Variants in CDK6 observed in about 807,000 individuals in gnomAD.
The protein encoded by CDK6 is cyclin-dependent kinase 6.
Under a neutral mutation model 37.1 loss-of-function variants are expected in CDK6, and 6 were observed. The ratio of observed to expected loss-of-function variants is 0.16; its 90% CI spans 0.09 to 0.32. The LOEUF is 0.32. Among genes scored for constraint, CDK6 ranks in the 10% least tolerant of loss-of-function variants. The pLI is 1.00. For synonymous variants in CDK6, 160 were observed against 161.3 expected (o/e 0.99, Z 0.06); for missense variants, 224 against 418.9 (o/e 0.53, Z 4.06).
intron 4 of CDK6, among the ~76,000 whole-genome samples, chr7:92,718,769 T>C (rs1038287128): frequency 2.0e-5 from 3 of 152,356 alleles, no homozygotes; most frequent in East Asian, 1.9e-4. Context: ...CCTTATCATA[T>C]GGCCTCATAA....
chr7:92,738,520 T>G (rs1380051829), intron 3 of CDK6, among the ~76,000 whole-genome samples: 1 of 151,626 alleles, frequency 6.6e-6, no homozygotes, highest in African/African-American at 2.4e-5. Flanking sequence ...ATGCCTGTAA[T>G]CCCAGCTACT....
At chr7:92,639,942 T>C (rs1796263327) in intron 5 of CDK6, among the ~76,000 whole-genome samples, 1 of 152,236 alleles carries the variant, frequency 6.6e-6, no homozygotes, top group South Asian at 2.1e-4. Flanking sequence ...ATTCAAATTA[T>C]GGTATAATTT....
chr7:92,701,366 T>C lies in CDK6; in HGVS notation c.537+24260A>G, dbSNP rs147341231. On this transcript the variant is annotated intron_variant, in intron 4 of 7. Transcript: ENST00000424848. ...ATTAAAATACAAACAATATTATCAT[T>C]AACAGGGGCAATCTCTGGTTTGTGA... Among the ~76,000 whole-genome samples, 491 of 152,268 alleles carry C rather than the reference T, an allele frequency of 3.2e-3. 1 individual carries two copies. The highest frequency in any genetic ancestry group is 0.011 in the African/African-American group (466 of 41,578).
At chr7:92,718,624 G>A (rs1303578984) in intron 4 of CDK6, among the ~76,000 whole-genome samples, 1 of 152,162 alleles carries the variant, frequency 6.6e-6, no homozygotes, top group Admixed American at 6.5e-5. Context: ...CGAATTGCAT[G>A]ACGCGCACAT....
chr7:92,772,489 C>T (rs758594339), intron 3 of CDK6, among the ~76,000 whole-genome samples: 10 of 150,634 alleles, frequency 6.6e-5, no homozygotes, highest in Non-Finnish European at 1.5e-4. Flanking sequence ...CTGTTCAACA[C>T]GGAATGAAGT....
At chr7:92,724,432 G>C (rs1481026622) in intron 4 of CDK6, among the ~76,000 whole-genome samples, 2 of 152,070 alleles carry the variant, frequency 1.3e-5, no homozygotes, top group Non-Finnish European at 2.9e-5. Flanking sequence ...ATAATGTTTG[G>C]AAAGTAACTG....
chr7:92,771,419 C>G (rs939889648), intron 3 of CDK6, among the ~76,000 whole-genome samples: 1 of 151,668 alleles, frequency 6.6e-6, no homozygotes, highest in Non-Finnish European at 1.5e-5. Flanking sequence ...AAGACAATGT[C>G]AATATTAATA....
chr7:92,758,633 T>A (rs573694974), intron 3 of CDK6, among the ~76,000 whole-genome samples: 106 of 152,340 alleles, frequency 7.0e-4, no homozygotes, highest in Middle Eastern at 3.4e-3. Flanking sequence ...TTTGATTCCA[T>A]ATGAATTTGA....
At chr7:92,717,631 C>T (rs1200325252) in intron 4 of CDK6, among the ~76,000 whole-genome samples, 2 of 152,168 alleles carry the variant, frequency 1.3e-5, no homozygotes, top group Non-Finnish European at 2.9e-5. Flanking sequence ...GCTCTTTCTC[C>T]GAGTAAAACA....
intron 5 of CDK6, among the ~76,000 whole-genome samples, chr7:92,656,931 C>A (rs1272509789): frequency 1.3e-5 from 2 of 152,146 alleles, no homozygotes; most frequent in African/African-American, 4.8e-5. Flanking sequence ...AACAAGCAGG[C>A]CTTGCCAGGT....
intron 5 of CDK6, among the ~76,000 whole-genome samples, chr7:92,648,062 G>A (rs1373440306): frequency 3.3e-5 from 5 of 152,148 alleles, no homozygotes; most frequent in Admixed American, 3.3e-4. Flanking sequence ...TCATGTTGGG[G>A]ATTCGTTTTT....
rs606231255 is a variant in CDK6 at position 92,671,484 on chromosome 7, C to T, written c.589G>A (p.Ala197Thr). 1.3e-6 allele frequency: 2 copies of T among 1,581,346 alleles called. No individual in the cohort carries two copies. Among genetic ancestry groups the T allele is most frequent in the South Asian group, 1.2e-5 (1 of 86,904 alleles). Residue 197 changes from alanine (A) to threonine (T), a missense_variant, in exon 5 of 8, where the codon GCC (alanine) becomes ACC (threonine). Physicochemically the swap from Ala to Thr is moderately conservative, Grantham distance 58. Transcript: ENST00000424848. ...APEVLLQSSY[A>T]TPVDLWSVGC... ...ACACTCCAGAGATCCACGGGGGTGG[C>T]GTAGCTGGACTGGAGCAAGACTTCG...
At chr7:92,689,971 GT>G (rs945710110) in intron 4 of CDK6, among the ~76,000 whole-genome samples, 12 of 151,186 alleles carry the variant, frequency 7.9e-5, no homozygotes, top group African/African-American at 1.5e-4. Flanking sequence ...CTTTTTTATC[GT>G]TTTTTTTCCT....
chr7:92,646,037 G>A (rs1352778064), intron 5 of CDK6, among the ~76,000 whole-genome samples: 2 of 152,158 alleles, frequency 1.3e-5, no homozygotes, highest in Non-Finnish European at 2.9e-5. Flanking sequence ...TTGCTTTTCT[G>A]AGAATGAATG....
At chr7:92,658,214 A>C (rs1796748593) in intron 5 of CDK6, among the ~76,000 whole-genome samples, 1 of 152,208 alleles carries the variant, frequency 6.6e-6, no homozygotes, top group Non-Finnish European at 1.5e-5. Context: ...CAATTTAAAA[A>C]ATTTGCATGT....
chr7:92,834,626 T>TA lies in CDK6; in HGVS notation c.-367-937dup, dbSNP rs1801597573. Among the ~76,000 whole-genome samples, 1 of 141,216 alleles carries TA rather than the reference T, an allele frequency of 7.1e-6. No individual in the cohort carries two copies. The highest frequency in any genetic ancestry group is 2.3e-4 in the South Asian group (1 of 4,358). 92.6% of individuals were successfully genotyped at this position (141,216 alleles called of 152,430 possible). A position where few individuals can be genotyped will look rare whatever the true frequency, so the allele number is the denominator to read the frequency against. On this transcript the variant is annotated intron_variant, in intron 1 of 7. Transcript: ENST00000424848. The surrounding 1 kb of genome is among the most constrained non-coding windows in gnomAD (Gnocchi z 4.6). ...GGATAGCATAATCGCGCCTCGTCCT[T>TA]AAGTTTTAAACTGATTTCGACCTGA...
At chr7:92,667,574 G>A (rs1326508112) in intron 5 of CDK6, among the ~76,000 whole-genome samples, 5 of 147,766 alleles carry the variant, frequency 3.4e-5, no homozygotes, top group Non-Finnish European at 7.5e-5. Context: ...TTTTGAGACA[G>A]GGCCTCCTTC....
intron 3 of CDK6, among the ~76,000 whole-genome samples, chr7:92,751,353 G>A (rs1356739707): frequency 3.9e-5 from 6 of 152,038 alleles, no homozygotes; most frequent in Non-Finnish European, 5.9e-5. Context: ...CTTGAACTAA[G>A]TTGGGCTCTA....
chr7:92,819,864 A>G (rs1297805929), intron 2 of CDK6, among the ~76,000 whole-genome samples: 3 of 152,062 alleles, frequency 2.0e-5, no homozygotes, highest in African/African-American at 7.2e-5. Context: ...AACCAGAGAA[A>G]AGAGATGAAT....
Sources: gnomAD v4.1 joint callset for allele counts (sites outside exome capture counted in the v4.1 genomes callset) on GRCh38, gnomAD v4.1.1 for gene constraint, Gnocchi (gnomAD v3.1) non-coding constraint, MANE v1.5 for transcripts, NCBI Gene and HGNC (gene_info 2026-07-23, HGNC 2026-07-21) for gene names.